Variants in EPHA7 observed in about 807,000 individuals in gnomAD.
EPHA7 encodes EPH receptor A7.
A neutral mutation model predicts 112.6 loss-of-function variants in EPHA7; 25 were observed. The ratio of observed to expected loss-of-function variants is 0.22; its 90% confidence interval spans 0.16 to 0.31. The LOEUF (loss-of-function observed/expected upper bound fraction) is 0.31. Among genes scored for constraint, EPHA7 ranks in the 10% least tolerant of loss-of-function variants. The pLI is 1.00. For synonymous variants in EPHA7, 437 were observed against 406.5 expected (o/e 1.07, Z -0.90); for missense variants, 962 against 1,212.6 (o/e 0.79, Z 3.07).
intron 14 of EPHA7, 29 bp downstream of exon 14, chr6:93,254,618 C>G (rs747562705): frequency 5.0e-6 from 8 of 1,596,842 alleles, no homozygotes; most frequent in Non-Finnish European, 5.1e-6. Context: ...GTATTCAATC[C>G]TTTTTGTTTA....
At chr6:93,324,724 CA>C (rs1261429472) in intron 5 of EPHA7, among the ~76,000 whole-genome samples, 2 of 151,388 alleles carry the variant, frequency 1.3e-5, no homozygotes, top group African/African-American at 4.8e-5. Context: ...AGGGTGCCTT[CA>C]ACACGTATAC....
chr6:93,307,074 C>A (rs1222361804), intron 5 of EPHA7, among the ~76,000 whole-genome samples: 2 of 151,930 alleles, frequency 1.3e-5, no homozygotes, highest in East Asian at 3.9e-4. Flanking sequence ...TTAAACATAA[C>A]TGCTAATAAA....
chr6:93,366,990 T>G (rs777575720), intron 3 of EPHA7, among the ~76,000 whole-genome samples: 5 of 151,944 alleles, frequency 3.3e-5, no homozygotes, highest in African/African-American at 4.8e-5. Flanking sequence ...GGAAAAGCAG[T>G]AAAATAAAGT....
intron 5 of EPHA7, among the ~76,000 whole-genome samples, chr6:93,310,802 T>C (rs1029820666): frequency 1.3e-5 from 2 of 152,180 alleles, no homozygotes; most frequent in African/African-American, 2.4e-5. Flanking sequence ...CGAGTCATAA[T>C]ATTTTTGCTG....
chr6:93,290,444 A>T (rs984242668), intron 5 of EPHA7, among the ~76,000 whole-genome samples: 1 of 152,160 alleles, frequency 6.6e-6, no homozygotes, highest in Admixed American at 6.5e-5. Context: ...CTCCATTCAA[A>T]TGATAGGTAA....
chr6:93,253,992 C>T (rs1770327643), intron 14 of EPHA7, among the ~76,000 whole-genome samples: 1 of 151,962 alleles, frequency 6.6e-6, no homozygotes, highest in Non-Finnish European at 1.5e-5. Flanking sequence ...TACACGCTCA[C>T]ATGGACTACC....
At chr6:93,348,949 C>T (rs1255641947) in intron 5 of EPHA7, among the ~76,000 whole-genome samples, 2 of 151,644 alleles carry the variant, frequency 1.3e-5, no homozygotes, top group African/African-American at 4.8e-5. Context: ...AAGAATATTA[C>T]AAATATATGA....
chr6:93,323,176 T>C (rs1774161715), intron 5 of EPHA7, among the ~76,000 whole-genome samples: 1 of 151,606 alleles, frequency 6.6e-6, no homozygotes, highest in Non-Finnish European at 1.5e-5. Context: ...CGTCTCTTTA[T>C]GAAAGAAACA....
intron 3 of EPHA7, among the ~76,000 whole-genome samples, chr6:93,363,694 T>G (rs1234839092): frequency 6.6e-6 from 1 of 152,194 alleles, no homozygotes; most frequent in East Asian, 1.9e-4. Context: ...ATGACCCAAG[T>G]AGTATATTCT....
chr6:93,246,107 A>G (rs1202089018), intron 15 of EPHA7, among the ~76,000 whole-genome samples: 3 of 150,626 alleles, frequency 2.0e-5, no homozygotes, highest in African/African-American at 7.3e-5. Context: ...GCTGGAGTGC[A>G]GTGGCGTGAT....
At chr6:93,248,328 A>T (rs1770049966) in intron 14 of EPHA7, among the ~76,000 whole-genome samples, 1 of 152,114 alleles carries the variant, frequency 6.6e-6, no homozygotes, top group African/African-American at 2.4e-5. Flanking sequence ...TTGAAAAAAA[A>T]TTCTTTTGTA....
At chr6:93,308,254 A>AT (rs376358247) in intron 5 of EPHA7, among the ~76,000 whole-genome samples, 2 of 151,980 alleles carry the variant, frequency 1.3e-5, no homozygotes, top group Non-Finnish European at 2.9e-5. Flanking sequence ...GGATACTAGG[A>AT]TTTTTTCTCT....
chr6:93,268,357 C>T (rs1771048435), intron 7 of EPHA7, among the ~76,000 whole-genome samples: 1 of 151,724 alleles, frequency 6.6e-6, no homozygotes, highest in African/African-American at 2.4e-5. Flanking sequence ...ACTTTACAAA[C>T]ATTAGTTAAT....
intron 3 of EPHA7, among the ~76,000 whole-genome samples, chr6:93,395,243 A>C (rs1029827594): frequency 1.2e-4 from 18 of 151,922 alleles, no homozygotes; most frequent in African/African-American, 4.3e-4. Flanking sequence ...TTGATCTCTA[A>C]CAAGACCAAT....
At chr6:93,328,595 A>G (rs923051766) in intron 5 of EPHA7, among the ~76,000 whole-genome samples, 1 of 151,450 alleles carries the variant, frequency 6.6e-6, no homozygotes, top group East Asian at 1.9e-4. Context: ...AAATAGAGGT[A>G]ATCTGGTCTT....
chr6:93,276,446 T>A (rs1392603130), intron 5 of EPHA7, among the ~76,000 whole-genome samples: 1 of 151,986 alleles, frequency 6.6e-6, no homozygotes, highest in Non-Finnish European at 1.5e-5. Flanking sequence ...TGGAAGTGGA[T>A]CTTCCCCAGA....
intron 3 of EPHA7, among the ~76,000 whole-genome samples, chr6:93,388,300 G>A (rs1777730479): frequency 6.6e-6 from 1 of 152,098 alleles, no homozygotes; most frequent in Non-Finnish European, 1.5e-5. Flanking sequence ...GGACATTTAA[G>A]TTGACATCTT....
intron 15 of EPHA7, among the ~76,000 whole-genome samples, chr6:93,246,362 AT>A (rs1297703781): frequency 6.6e-6 from 1 of 152,056 alleles, no homozygotes; most frequent in Non-Finnish European, 1.5e-5. Context: ...AATTTCTCTT[AT>A]AAACTTTAAC....
chr6:93,255,694 CAAAA>C, intron 13 of EPHA7, 130 bp downstream of exon 13: 3 of 721,606 alleles, frequency 4.2e-6, no homozygotes, highest in Non-Finnish European at 4.4e-6. Flanking sequence ...AAACAAAAAA[CAAAA>C]AAAGCAACCT....
Sources: gnomAD v4.1 joint callset for allele counts (sites outside exome capture counted in the v4.1 genomes callset) on GRCh38, gnomAD v4.1.1 for gene constraint, MANE v1.5 for transcripts, NCBI Gene and HGNC (gene_info 2026-07-23, HGNC 2026-07-21) for gene names.